CRHR1: variants seen among roughly 807,000 people sequenced by gnomAD.
CRHR1 encodes corticotropin-releasing hormone receptor 1.
In CRHR1, 28 loss-of-function variants were observed where a neutral mutation model predicts 56.0. That is an observed-to-expected ratio of 0.50 (90% CI 0.37 to 0.69). CRHR1 has a LOEUF of 0.69. Among genes scored for constraint, CRHR1 ranks in the 30% least tolerant of loss-of-function variants. The pLI, the probability that CRHR1 is intolerant of heterozygous loss-of-function variation, is 0.00. For missense variants in CRHR1, 376 were observed against 548.0 expected (o/e 0.69, Z 3.13); for synonymous variants, 195 against 216.5 (o/e 0.90, Z 0.87).
In CRHR1 at chr17:45,821,427, TC is replaced by T. The variant is rs2062039305; in HGVS notation, c.316del (p.Leu106SerfsTer69). 1 of 1,612,718 alleles carries T rather than the reference TC, an allele frequency of 6.2e-7. No homozygotes were observed. Among genetic ancestry groups the T allele is most frequent in the South Asian group, 1.1e-5 (1 of 91,094 alleles). ...ARVNYSECQEILNEEKKSKVH... is the reference protein window; with the variant it reads ...ARVNYSECQEXLNEEKKSKVH... ...GTGAATTACTCCGAGTGCCAGGAGA[TC>T]CTCAATGAGGAGGTGAGGCTGAGCC... is the stretch of plus-strand genomic sequence containing the variant. On this transcript the variant is annotated frameshift_variant, in exon 4 of 13. Transcript: ENST00000314537. LOFTEE classifies it high-confidence loss of function.
Position 45,830,116 on chromosome 17 carries a change from A to G in CRHR1, c.457A>G (p.Ile153Val). The change falls in exon 6 of 13, where the codon ATC (isoleucine) becomes GTC (valine). Residue 153 changes from isoleucine (I) to valine (V), a missense_variant. By Grantham distance (29) the Ile-to-Val change is conservative. Around this residue, in one of 2 missense-constraint regions of CRHR1, gnomAD observed 369 missense variants for 519.5 expected, o/e 0.71. Transcript: ENST00000314537. ...CAGGAGCATCCGGTGCCTGCGAAAC[A>G]TCATCCACTGGAACCTCATCTCCGC... is the stretch of plus-strand genomic sequence containing the variant. Reference protein sequence around the residue: ...RLRSIRCLRNIIHWNLISAFI... With the variant: ...RLRSIRCLRNVIHWNLISAFI... The G allele has an allele frequency of 6.2e-7, 1 of 1,614,040 alleles. No homozygotes were observed. Among genetic ancestry groups the G allele is most frequent in the East Asian group, 2.2e-5 (1 of 44,860 alleles).
intron 1 of CRHR1, among the ~76,000 whole-genome samples, chr17:45,787,364 A>G (rs1473205582): frequency 6.6e-6 from 1 of 152,164 alleles, no homozygotes; most frequent in Non-Finnish European, 1.5e-5. Flanking sequence ...GTGGCTGTAA[A>G]CATGGGTCCC....
At position 45,821,925 on chromosome 17, in the gene CRHR1, G is replaced by C. The variant is rs145599533; in HGVS notation, c.327+485G>C. On this transcript the variant is annotated intron_variant, in intron 4 of 12. Transcript: ENST00000314537. ...TTAAAATGTTAAATGTTTTTGAGCA[G>C]ATATTGCTTACACAGAACTCAGAAG... Among the ~76,000 whole-genome samples, 1,049 of 152,306 alleles carry C rather than the reference G, an allele frequency of 6.9e-3. 30 individuals carry two copies. Among genetic ancestry groups the C allele is most frequent in the Admixed American group, 0.048 (736 of 15,288 alleles).
chr17:45,833,241 G>A, intron 9 of CRHR1, 31 bp downstream of exon 9: 11 of 1,607,124 alleles, frequency 6.8e-6, no homozygotes, highest in Non-Finnish European at 9.4e-6. Context: ...AGGAGACAGG[G>A]CCCAGTGGGG....
chr17:45,830,591 C>T (rs746103309), intron 7 of CRHR1, 21 bp downstream of exon 7: 70 of 1,589,420 alleles, frequency 4.4e-5, no homozygotes, highest in Non-Finnish European at 5.2e-5. Flanking sequence ...CAGCCACCTC[C>T]GCAGCCTGGG....
At chr17:45,828,797 G>A (rs1245542239) in intron 4 of CRHR1, among the ~76,000 whole-genome samples, 1 of 152,206 alleles carries the variant, frequency 6.6e-6, no homozygotes, top group Non-Finnish European at 1.5e-5. Flanking sequence ...TTCAGAAATG[G>A]GTGGAGAAGA....
chr17:45,784,560 C>A lies in CRHR1; in HGVS notation c.16C>A (p.Gln6Lys), dbSNP rs1194686358. 1.9e-6 allele frequency: 3 copies of A among 1,555,122 alleles called. No individual in the cohort carries two copies. The highest frequency in any genetic ancestry group is 2.6e-6 in the Non-Finnish European group (3 of 1,150,724). ...GAGCCCGAGGATGGGAGGGCACCCG[C>A]AGCTCCGTCTCGTCAAGGTAACAGC... The part of the protein sequence containing the change: MGGHP[Q>K]LRLVKALLLL... The change falls in exon 1 of 13, where the codon CAG becomes AAG. Residue 6 changes from glutamine (Q) to lysine (K), a missense_variant. Transcript: ENST00000314537. The surrounding 1 kb of genome is among the most constrained non-coding windows in gnomAD (Gnocchi z 4.2).
intron 4 of CRHR1, chr17:45,826,985 C>G (rs1239792609): frequency 6.6e-6 from 1 of 152,040 alleles, no homozygotes; most frequent in Non-Finnish European, 1.5e-5. Context: ...CATCCCTCCC[C>G]CACCCAAAAA....
At chr17:45,821,226 A>G (rs2062033280) in intron 3 of CRHR1, 129 bp from the exon 4 acceptor site, 1 of 818,134 alleles carries the variant, frequency 1.2e-6, no homozygotes, top group African/African-American at 1.7e-5. Flanking sequence ...CAGCTTCACT[A>G]CACAACCCCC....
chr17:45,824,192 A>G (rs62057144), intron 4 of CRHR1, among the ~76,000 whole-genome samples: 21,831 of 152,180 alleles, frequency 0.14, 2,143 homozygotes, highest in Middle Eastern at 0.22. Flanking sequence ...CAGGGATGTG[A>G]GGAGCCCGTA....
At chr17:45,788,481 C>G (rs1425489335) in intron 1 of CRHR1, among the ~76,000 whole-genome samples, 1 of 152,210 alleles carries the variant, frequency 6.6e-6, no homozygotes, top group Non-Finnish European at 1.5e-5. Flanking sequence ...CAGCTCTGCT[C>G]AAGCTGAGGG....
chr17:45,833,693 T>TGGGCCCCCCCCCC, intron 10 of CRHR1, 21 bp from the exon 11 acceptor site: 3 of 1,571,602 alleles, frequency 1.9e-6, no homozygotes, highest in Non-Finnish European at 2.6e-6. Context: ...ACTCCGAGCC[T>TGGGCCCCCCCCCC]CCCCACCCGC....
chr17:45,784,556 C>A lies in CRHR1; in HGVS notation c.12C>A (p.His4Gln). MGGHPQLRLVKALL... is the reference protein window; with the variant it reads MGGQPQLRLVKALL... ...GAGCGAGCCCGAGGATGGGAGGGCA[C>A]CCGCAGCTCCGTCTCGTCAAGGTAA... Residue 4 changes from histidine (H) to glutamine (Q), a missense_variant, in exon 1 of 13, where the codon CAC becomes CAA. Physicochemically the swap from His to Gln is conservative, Grantham distance 24 (BLOSUM62 0). Transcript: ENST00000314537. This position sits in a 1 kb window ranked among gnomAD's most constrained non-coding sequence, Gnocchi z 4.2. 6.4e-7 allele frequency: 1 copy of A among 1,554,444 alleles called. No individual in the cohort carries two copies. The highest frequency in any genetic ancestry group is 8.7e-7 in the Non-Finnish European group (1 of 1,150,370).
intron 10 of CRHR1, 21 bp from the exon 11 acceptor site, chr17:45,833,693 T>TGGGGGGGGGGGCCG: frequency 6.4e-7 from 1 of 1,571,618 alleles, no homozygotes; most frequent in Non-Finnish European, 8.7e-7. Context: ...ACTCCGAGCC[T>TGGGGGGGGGGGCCG]CCCCACCCGC....
chr17:45,822,234 A>T (rs934785010), intron 4 of CRHR1, among the ~76,000 whole-genome samples: 2 of 152,264 alleles, frequency 1.3e-5, no homozygotes, highest in African/African-American at 4.8e-5. Flanking sequence ...ATATCACAAA[A>T]TGTACCATAA....
chr17:45,799,662 G>T (rs555376291), intron 1 of CRHR1: 1 of 152,324 alleles, frequency 6.6e-6, no homozygotes, highest in South Asian at 2.1e-4. Context: ...TTCGATCTTG[G>T]CCACACTGGA....
At chr17:45,791,203 G>A (rs978922305) in intron 1 of CRHR1, among the ~76,000 whole-genome samples, 3 of 150,006 alleles carry the variant, frequency 2.0e-5, no homozygotes, top group African/African-American at 7.3e-5. Context: ...CAGGGAAAAG[G>A]AGTGTGGCTG....
intron 4 of CRHR1, among the ~76,000 whole-genome samples, chr17:45,822,031 T>C (rs2062053157): frequency 2.0e-5 from 3 of 152,168 alleles, no homozygotes; most frequent in African/African-American, 7.2e-5. Flanking sequence ...TTTTGCCAAT[T>C]TCACAAGTGT....
At position 45,807,044 on chromosome 17, in the gene CRHR1, C is replaced by T; in HGVS notation, c.68C>T (p.Ala23Val). The change falls in exon 2 of 13, where the codon GCC becomes GTC. Residue 23 changes from alanine to valine, a missense_variant. Transcript: ENST00000314537. ...LLLLGLNPVSASLQDQHCESL... is the reference protein window; with the variant it reads ...LLLLGLNPVSVSLQDQHCESL... ...CTTCTGGGGCTGAACCCCGTCTCTG[C>T]CTCCCTCCAGGACCAGCACTGCGAG... is the stretch of plus-strand genomic sequence containing the variant. 6.2e-7 allele frequency: 1 copy of T among 1,613,938 alleles called. No individual in the cohort carries two copies. Among genetic ancestry groups the T allele is most frequent in the East Asian group, 2.2e-5 (1 of 44,900 alleles).
Sources: allele counts gnomAD v4.1 joint callset (sites outside exome capture counted in the v4.1 genomes callset), GRCh38; gene constraint gnomAD v4.1.1; regional missense constraint gnomAD v4.1.1; non-coding constraint Gnocchi (gnomAD v3.1); transcripts MANE v1.5; gene names NCBI Gene and HGNC (gene_info 2026-07-23, HGNC 2026-07-21).